Variants in MCPH1 observed in about 807,000 individuals in gnomAD.
MCPH1 encodes the protein microcephalin 1, also known as microcephalin.
MCPH1 carries 104 observed loss-of-function variants against 84.5 expected under a neutral mutation model. The observed-to-expected ratio is 1.23, with a 90% CI of 1.05 to 1.45. The LOEUF is 1.45. Ranked by LOEUF, MCPH1 falls within the 40% of genes most tolerant of loss-of-function variation. The pLI is 0.00. For missense variants in MCPH1, 1,498 were observed against 1,005.7 expected (o/e 1.49, Z -6.62); for synonymous variants, 514 against 366.8 (o/e 1.40, Z -4.58).
intron 3 of MCPH1, among the ~76,000 whole-genome samples, chr8:6,421,746 T>C (rs906066302): frequency 2.6e-5 from 4 of 152,182 alleles, no homozygotes; most frequent in African/African-American, 9.6e-5. Context: ...CATTCACTAC[T>C]TTCCCCTTTA....
Position 6,414,393 on chromosome 8 carries a change from T to G in MCPH1, c.115-372T>G, listed in dbSNP as rs192396205. 2.8e-3 allele frequency among the ~76,000 whole-genome samples: 429 copies of G among 152,382 alleles called. 1 individual carries two copies. The highest frequency in any genetic ancestry group is 4.8e-3 in the Non-Finnish European group (327 of 68,044). On this transcript the variant is annotated intron_variant, in intron 2 of 13. Transcript: ENST00000344683. The stretch of plus-strand genomic sequence containing the variant: ...TTCTCTGTTGCCTCTGAATTTCATT[T>G]GGTTTTATTTTTTTGATGTAGAAAG...
intron 12 of MCPH1, among the ~76,000 whole-genome samples, chr8:6,588,272 AG>A: frequency 6.6e-6 from 1 of 152,280 alleles, no homozygotes; most frequent in South Asian, 2.1e-4. Flanking sequence ...GAGCCAGGCC[AG>A]CCCAGCAGTG....
In MCPH1 at chr8:6,647,443, G is replaced by A. The variant is rs1397109550; in HGVS notation, c.*4394G>A. On this transcript the variant is annotated 3_prime_UTR_variant, in exon 14 of 14. Transcript: ENST00000344683. ...TCTCAGGTATATAACCAAAATACAT[G>A]AAAACATGGATCTGCACAAGGTCTT... is the stretch of plus-strand genomic sequence containing the variant. The A allele has an allele frequency of 6.6e-6, 1 of 152,180 alleles. No individual in the cohort carries two copies. Among genetic ancestry groups the A allele is most frequent in the Non-Finnish European group, 1.5e-5 (1 of 68,032 alleles). The allele number at this position is 152,180 out of a possible 1,614,324, so 9.4% of individuals were successfully genotyped here.
chr8:6,533,230 T>C (rs2442602), intron 12 of MCPH1, among the ~76,000 whole-genome samples: 103,111 of 152,128 alleles, frequency 0.68, 35,195 homozygotes, highest in Non-Finnish European at 0.72. Flanking sequence ...ATGATCATGC[T>C]GACTAATTTT....
intron 9 of MCPH1, among the ~76,000 whole-genome samples, chr8:6,457,145 A>T (rs1805771376): frequency 6.6e-6 from 1 of 152,230 alleles, no homozygotes; most frequent in Non-Finnish European, 1.5e-5. Context: ...ATTTTCATAT[A>T]TTAAACTGCC....
At chr8:6,496,158 G>A (rs765579170) in intron 11 of MCPH1, among the ~76,000 whole-genome samples, 1 of 152,122 alleles carries the variant, frequency 6.6e-6, no homozygotes, top group Non-Finnish European at 1.5e-5. Context: ...CTTGTTTTCT[G>A]CAACTAGACA....
intron 12 of MCPH1, among the ~76,000 whole-genome samples, chr8:6,566,839 C>T (rs1314833808): frequency 2.3e-5 from 3 of 130,344 alleles, no homozygotes; most frequent in South Asian, 2.5e-4. Flanking sequence ...TGAGTGCACA[C>T]GGTGCGGTGA....
rs1809109041 is a variant in MCPH1 at position 6,480,723 on chromosome 8, T to G, written c.1983T>G (p.Asn661Lys). The change falls in exon 11 of 14, where the codon AAT (asparagine) becomes AAG (lysine). Residue 661 changes from asparagine to lysine, a missense_variant. Transcript: ENST00000344683. ...VMTSMPSEKQ[N>K]VVIQVVDKLK... ...TCCCCCGATTTGACAGAAAGCAGAA[T>G]GTCGTCATCCAGGTTGTGGATAAAT... 1 of 1,614,092 alleles carries G rather than the reference T, an allele frequency of 6.2e-7. No homozygotes were observed. Among genetic ancestry groups the G allele is most frequent in the Admixed American group, 1.7e-5 (1 of 60,010 alleles).
chr8:6,471,113 C>G (rs1403924321), intron 9 of MCPH1, among the ~76,000 whole-genome samples: 1 of 152,112 alleles, frequency 6.6e-6, no homozygotes, highest in African/African-American at 2.4e-5. Context: ...CTCAGTGGAT[C>G]TTGGACCTAC....
At chr8:6,523,391 A>G (rs956822820) in intron 12 of MCPH1, among the ~76,000 whole-genome samples, 2 of 152,226 alleles carry the variant, frequency 1.3e-5, no homozygotes, top group African/African-American at 2.4e-5. Context: ...TGCCTTCCTA[A>G]TTTCAACTTA....
intron 12 of MCPH1, among the ~76,000 whole-genome samples, chr8:6,503,654 G>A (rs1272741866): frequency 5.3e-5 from 8 of 152,294 alleles, no homozygotes; most frequent in Middle Eastern, 3.4e-3. Context: ...TGGTGGGCTG[G>A]ACTCGCTCAG....
At chr8:6,561,310 T>C (rs1264415304) in intron 12 of MCPH1, among the ~76,000 whole-genome samples, 1 of 152,218 alleles carries the variant, frequency 6.6e-6, no homozygotes, top group Non-Finnish European at 1.5e-5. Context: ...GTCATTTTGG[T>C]AAGTTTTTGT....
chr8:6,513,383 A>G (rs1586261021), intron 12 of MCPH1, among the ~76,000 whole-genome samples: 1 of 142,454 alleles, frequency 7.0e-6, no homozygotes, highest in East Asian at 2.1e-4. Context: ...CCCAGGTTGC[A>G]GTGCCGTGGC....
At position 6,416,589 on chromosome 8, in the gene MCPH1, T is replaced by C. The variant is rs537256353; in HGVS notation, c.233+1706T>C. Reference sequence around the variant, plus strand: ...CTGATCATCATGTGATTTTTGTCCTTCATTATATTAATGTGGTGTAATTGA... The same window carrying C: ...CTGATCATCATGTGATTTTTGTCCTCCATTATATTAATGTGGTGTAATTGA... On this transcript the variant is annotated intron_variant, in intron 3 of 13. Transcript: ENST00000344683. Among the ~76,000 whole-genome samples the C allele has an allele frequency of 8.5e-5, 13 of 152,338 alleles. No homozygotes were observed. In the South Asian group the frequency reaches 2.7e-3, roughly 32 times the overall value.
At chr8:6,532,574 T>TTAAA in intron 12 of MCPH1, 1 of 589,542 alleles carries the variant, frequency 1.7e-6, no homozygotes, top group Non-Finnish European at 2.5e-6. Flanking sequence ...TCCCTATCTT[T>TTAAA]AAAAAAAAAA....
In MCPH1 at chr8:6,436,085, C is replaced by T. The variant is rs757592301; in HGVS notation, c.359C>T (p.Thr120Ile). Residue 120 changes from threonine to isoleucine, a missense_variant, in exon 5 of 14, where the codon ACA becomes ATA. Thr to Ile is a moderately conservative substitution (Grantham distance 89). Coordinates refer to ENST00000344683, the MANE Select transcript of MCPH1 (RefSeq NM_024596.5). ...CMQPKDFNFK[T>I]PENDKRFQKK... Reference sequence around the variant, plus strand: ...CAGCCCAAAGATTTTAATTTTAAAACACCAGAAAATGATAAGAGATTTCAG... The same window carrying T: ...CAGCCCAAAGATTTTAATTTTAAAATACCAGAAAATGATAAGAGATTTCAG... The T allele has an allele frequency of 1.9e-6, 3 of 1,613,520 alleles. No individual in the cohort carries two copies. The highest frequency in any genetic ancestry group is 4.5e-5 in the East Asian group (2 of 44,844).
intron 8 of MCPH1, among the ~76,000 whole-genome samples, chr8:6,449,995 A>C (rs1471520628): frequency 6.3e-5 from 1 of 15,834 alleles, no homozygotes; most frequent in African/African-American, 8.1e-5. Context: ...CAAAAGCAGA[A>C]AAGTCCTTCC....
At chr8:6,439,287 A>G (rs1384114251) in intron 6 of MCPH1, among the ~76,000 whole-genome samples, 191 bp downstream of exon 6, 7 of 151,734 alleles carry the variant, frequency 4.6e-5, no homozygotes, top group Non-Finnish European at 8.8e-5. Context: ...TGTTGGGTGT[A>G]TAGTATTCTT....
At chr8:6,554,568 T>C (rs1824256964) in intron 12 of MCPH1, among the ~76,000 whole-genome samples, 1 of 152,250 alleles carries the variant, frequency 6.6e-6, no homozygotes, top group Non-Finnish European at 1.5e-5. Flanking sequence ...TTAATGTATA[T>C]TTTTAATTTG....
Sources: allele counts gnomAD v4.1 joint callset (sites outside exome capture counted in the v4.1 genomes callset), GRCh38; gene constraint gnomAD v4.1.1; transcripts MANE v1.5; gene names NCBI Gene and HGNC (gene_info 2026-07-23, HGNC 2026-07-21).